EYS: variants seen among roughly 807,000 people sequenced by gnomAD.
EYS encodes the protein protein eyes shut homolog.
A neutral mutation model predicts 282.1 loss-of-function variants in EYS; 250 were observed. The ratio of observed to expected loss-of-function variants is 0.89; its 90% CI spans 0.80 to 0.98. The LOEUF (loss-of-function observed/expected upper bound fraction) is 0.98, where lower values mean the gene tolerates loss of function less well. EYS is among the 50% of genes least tolerant of loss of function. The pLI, the probability that EYS is intolerant of heterozygous loss-of-function variation, is 0.00. For synonymous variants in EYS, 1,355 were observed against 1,282.9 expected (o/e 1.06, Z -1.20); for missense variants, 4,016 against 3,709.0 (o/e 1.08, Z -2.15).
intron 5 of EYS, among the ~76,000 whole-genome samples, chr6:65,459,949 G>A (rs1256461422): frequency 6.1e-5 from 8 of 130,924 alleles, no homozygotes; most frequent in Admixed American, 1.7e-4. Context: ...GTGCGTGTGT[G>A]TGTGTGTGTT....
chr6:64,810,993 TTTC>T (rs2150014456), intron 22 of EYS, among the ~76,000 whole-genome samples: 1 of 152,174 alleles, frequency 6.6e-6, no homozygotes, highest in South Asian at 2.1e-4. Context: ...TAAGTTCAAT[TTTC>T]TTCTTTAAAT....
At chr6:65,148,288 G>A (rs574102998) in intron 12 of EYS, among the ~76,000 whole-genome samples, 2 of 152,216 alleles carry the variant, frequency 1.3e-5, no homozygotes, top group South Asian at 4.1e-4. Flanking sequence ...TGGTACAATG[G>A]GGGTACAGGC....
intron 12 of EYS, among the ~76,000 whole-genome samples, chr6:65,277,578 G>A (rs993603342): frequency 2.0e-5 from 3 of 151,956 alleles, no homozygotes; most frequent in African/African-American, 7.2e-5. Context: ...CCCTCATTTT[G>A]AACATCTATC....
At chr6:64,394,180 C>T (rs966586032) in intron 28 of EYS, among the ~76,000 whole-genome samples, 1 of 152,112 alleles carries the variant, frequency 6.6e-6, no homozygotes, top group Non-Finnish European at 1.5e-5. Context: ...TAGGAAGAAT[C>T]AATATTGTGA....
chr6:64,028,365 G>A (rs1769639947), intron 33 of EYS, among the ~76,000 whole-genome samples: 1 of 152,242 alleles, frequency 6.6e-6, no homozygotes, highest in Admixed American at 6.5e-5. Flanking sequence ...TCAAGGCTTA[G>A]TAAGGAAATG....
chr6:64,892,083 G>A (rs1374056080), intron 18 of EYS, among the ~76,000 whole-genome samples: 2 of 151,626 alleles, frequency 1.3e-5, no homozygotes, highest in Non-Finnish European at 2.9e-5. Flanking sequence ...ATAGAGATAA[G>A]GAAGAGTAAC....
chr6:64,675,565 G>A (rs1769628013), intron 22 of EYS, among the ~76,000 whole-genome samples: 2 of 151,212 alleles, frequency 1.3e-5, no homozygotes, highest in African/African-American at 4.9e-5. Flanking sequence ...GTACCTGGGT[G>A]GTTACAGGTG....
chr6:65,446,699 T>C (rs1038186049), intron 5 of EYS, among the ~76,000 whole-genome samples: 4 of 151,902 alleles, frequency 2.6e-5, no homozygotes, highest in Non-Finnish European at 5.9e-5. Flanking sequence ...TGTACTTTGA[T>C]ACATTCCTGA....
intron 1 of EYS, among the ~76,000 whole-genome samples, chr6:65,655,353 A>G (rs1188065149): frequency 2.0e-5 from 3 of 151,774 alleles, no homozygotes; most frequent in African/African-American, 4.8e-5. Flanking sequence ...TGTACAATCA[A>G]GATACCTGGA....
At chr6:63,786,220 AAAAG>A (rs1770356923) in intron 39 of EYS, 2 of 151,638 alleles carry the variant, frequency 1.3e-5, no homozygotes, top group African/African-American at 4.8e-5. Flanking sequence ...AAAAAAAAAA[AAAAG>A]GTAAAGTAAA....
intron 29 of EYS, among the ~76,000 whole-genome samples, chr6:64,325,058 T>C (rs1198816712): frequency 3.3e-5 from 5 of 152,212 alleles, no homozygotes; most frequent in Non-Finnish European, 5.9e-5. Context: ...TTTGATGTTA[T>C]TCCTATCGAA....
At chr6:64,990,916 A>G (rs1463583867) in intron 14 of EYS, among the ~76,000 whole-genome samples, 1 of 151,564 alleles carries the variant, frequency 6.6e-6, no homozygotes, top group African/African-American at 2.4e-5. Flanking sequence ...ATCCTGATAA[A>G]TTTAATCAGT....
chr6:65,196,353 ATAT>A (rs1765766699), intron 12 of EYS, among the ~76,000 whole-genome samples: 1 of 152,100 alleles, frequency 6.6e-6, no homozygotes, highest in East Asian at 1.9e-4. Flanking sequence ...CAGTTACCAC[ATAT>A]TATTTATAGT....
At chr6:63,940,792 T>C (rs1264910199) in intron 35 of EYS, among the ~76,000 whole-genome samples, 1 of 151,980 alleles carries the variant, frequency 6.6e-6, no homozygotes, top group African/African-American at 2.4e-5. Flanking sequence ...CATTAACTCA[T>C]CATTTACATT....
intron 9 of EYS, among the ~76,000 whole-genome samples, chr6:65,347,333 A>G (rs2150322551): frequency 6.6e-6 from 1 of 151,828 alleles, no homozygotes; most frequent in Admixed American, 6.6e-5. Flanking sequence ...TTACTGACTT[A>G]CCTTTCAGCT....
At chr6:64,970,245 C>A (rs533387420) in intron 14 of EYS, among the ~76,000 whole-genome samples, 2 of 152,082 alleles carry the variant, frequency 1.3e-5, no homozygotes, top group East Asian at 3.9e-4. Flanking sequence ...AAAATATACA[C>A]AAATCCACTG....
intron 29 of EYS, among the ~76,000 whole-genome samples, chr6:64,364,891 T>TAAATCTATA (rs1251389762): frequency 6.6e-6 from 1 of 151,940 alleles, no homozygotes; most frequent in African/African-American, 2.4e-5. Flanking sequence ...CTGGTACCCC[T>TAAATCTATA]AAATCTATAA....
At chr6:63,912,211 G>A (rs925398132) in intron 35 of EYS, among the ~76,000 whole-genome samples, 5 of 152,056 alleles carry the variant, frequency 3.3e-5, no homozygotes, top group African/African-American at 1.2e-4. Context: ...TTATAGTGAA[G>A]CATCCTTTTT....
At chr6:65,354,308 T>C (rs1292440665) in intron 8 of EYS, among the ~76,000 whole-genome samples, 2 of 152,064 alleles carry the variant, frequency 1.3e-5, no homozygotes, top group African/African-American at 4.8e-5. Flanking sequence ...TTTCTACTTC[T>C]CCACGTTTTT....
Sources: gnomAD v4.1 joint callset for allele counts (sites outside exome capture counted in the v4.1 genomes callset) on GRCh38, gnomAD v4.1.1 for gene constraint, MANE v1.5 for transcripts, NCBI Gene and HGNC (gene_info 2026-07-23, HGNC 2026-07-21) for gene names.